Variants in ME3 observed in about 807,000 individuals in gnomAD.
ME3 encodes NADP-dependent malic enzyme, mitochondrial.
A neutral mutation model predicts 68.9 loss-of-function variants in ME3; 48 were observed. The ratio of observed to expected loss-of-function variants is 0.70; its 90% CI spans 0.55 to 0.89. The LOEUF (loss-of-function observed/expected upper bound fraction) is 0.89. Ranked by LOEUF, ME3 falls within the 40% of genes least tolerant of loss-of-function variation. The pLI, the probability that ME3 is intolerant of heterozygous loss-of-function variation, is 0.00. For synonymous variants in ME3, 320 were observed against 318.8 expected, an observed-to-expected ratio of 1.00 and a Z score of -0.04; for missense variants, 675 against 797.4, an observed-to-expected ratio of 0.85 and a Z score of 1.85.
chr11:86,584,981 TAATAA>T (rs2139633135), intron 2 of ME3, among the ~76,000 whole-genome samples: 1 of 152,320 alleles, frequency 6.6e-6, no homozygotes, highest in African/African-American at 2.4e-5. Context: ...TGATAAAGAC[TAATAA>T]TACATCTTCA....
chr11:86,631,966 C>T (rs1234690361), intron 2 of ME3, among the ~76,000 whole-genome samples: 1 of 152,192 alleles, frequency 6.6e-6, no homozygotes. Context: ...CTCCTGACCT[C>T]AGGTGATCCT....
intron 2 of ME3, among the ~76,000 whole-genome samples, chr11:86,564,310 TTGTAA>T (rs1166156803): frequency 6.6e-6 from 1 of 152,180 alleles, no homozygotes; most frequent in Non-Finnish European, 1.5e-5. Flanking sequence ...TGATCTACAG[TTGTAA>T]TGCAATCACT....
intron 6 of ME3, among the ~76,000 whole-genome samples, chr11:86,488,721 C>T (rs1006733346): frequency 1.1e-4 from 17 of 152,142 alleles, no homozygotes; most frequent in African/African-American, 3.9e-4. Flanking sequence ...ATTTATTTCT[C>T]ATGTACTATT....
intron 2 of ME3, among the ~76,000 whole-genome samples, chr11:86,619,692 C>A (rs1594691890): frequency 6.6e-6 from 1 of 152,244 alleles, no homozygotes; most frequent in Admixed American, 6.5e-5. Context: ...ACTTCCCCAG[C>A]CACGTGGAAC....
At chr11:86,493,863 A>G (rs1224660287) in intron 6 of ME3, among the ~76,000 whole-genome samples, 1 of 152,136 alleles carries the variant, frequency 6.6e-6, no homozygotes, top group African/African-American at 2.4e-5. Context: ...GTTTTTATAG[A>G]GACATACATA....
At chr11:86,572,891 C>A (rs533544386) in intron 2 of ME3, among the ~76,000 whole-genome samples, 1 of 152,164 alleles carries the variant, frequency 6.6e-6, no homozygotes. Context: ...TTTGCAATCC[C>A]ACCAACAGTG....
intron 2 of ME3, among the ~76,000 whole-genome samples, chr11:86,625,394 AATG>A (rs1943600175): frequency 6.6e-6 from 1 of 152,046 alleles, no homozygotes; most frequent in African/African-American, 2.4e-5. Context: ...ATACAGGAAC[AATG>A]ATGAATTTGC....
chr11:86,528,435 T>C (rs1176676884), intron 4 of ME3, among the ~76,000 whole-genome samples: 1 of 152,092 alleles, frequency 6.6e-6, no homozygotes, highest in African/African-American at 2.4e-5. Context: ...CTGTCAACAT[T>C]AGACAGATCA....
chr11:86,597,725 C>A (rs918594991), intron 2 of ME3, among the ~76,000 whole-genome samples: 1 of 152,088 alleles, frequency 6.6e-6, no homozygotes, highest in African/African-American at 2.4e-5. Context: ...ATATGAGTGA[C>A]CACGGCCCGT....
At chr11:86,574,992 CA>C (rs1958019613) in intron 2 of ME3, among the ~76,000 whole-genome samples, 1 of 148,160 alleles carries the variant, frequency 6.7e-6, no homozygotes, top group African/African-American at 2.6e-5. Flanking sequence ...ACAGGTTGTC[CA>C]GCCTGGGCAG....
At chr11:86,503,586 C>T (rs1269807279) in intron 5 of ME3, among the ~76,000 whole-genome samples, 1 of 152,246 alleles carries the variant, frequency 6.6e-6, no homozygotes, top group Non-Finnish European at 1.5e-5. Flanking sequence ...CAAGTGTTGA[C>T]TGACAAAAGA....
chr11:86,666,064 C>A (rs1256943098), intron 2 of ME3, among the ~76,000 whole-genome samples: 2 of 152,144 alleles, frequency 1.3e-5, no homozygotes, highest in African/African-American at 4.8e-5. Flanking sequence ...TTCATATCAA[C>A]ATTTTGTGGT....
intron 4 of ME3, among the ~76,000 whole-genome samples, chr11:86,531,998 A>AC (rs2139278143): frequency 2.0e-5 from 3 of 152,108 alleles, no homozygotes; most frequent in African/African-American, 7.2e-5. Flanking sequence ...AAACCAAAAA[A>AC]AAACCAGAAA....
intron 3 of ME3, 48 bp downstream of exon 3, chr11:86,559,642 C>A (rs34249558): frequency 2.6e-6 from 4 of 1,556,380 alleles, no homozygotes; most frequent in Non-Finnish European, 3.5e-6. Flanking sequence ...AGGAAACAGA[C>A]AGCTCAGCCC....
At chr11:86,537,214 C>T (rs535527817) in intron 4 of ME3, among the ~76,000 whole-genome samples, 1 of 151,166 alleles carries the variant, frequency 6.6e-6, no homozygotes, top group African/African-American at 2.4e-5. Context: ...TGCAGCACAC[C>T]AGCATGTCAC....
At chr11:86,535,894 T>C (rs1478211229) in intron 4 of ME3, among the ~76,000 whole-genome samples, 3 of 152,192 alleles carry the variant, frequency 2.0e-5, no homozygotes, top group African/African-American at 7.2e-5. Flanking sequence ...ACTCCTTCCA[T>C]CCATCCTTCC....
chr11:86,444,193 T>C (rs1277598422), intron 13 of ME3, among the ~76,000 whole-genome samples: 1 of 152,160 alleles, frequency 6.6e-6, no homozygotes, highest in Non-Finnish European at 1.5e-5. Flanking sequence ...GGCTGATACC[T>C]GAAGGACAAA....
At chr11:86,498,266 C>CGGA in intron 5 of ME3, 142 bp from the exon 6 acceptor site, 1 of 999,084 alleles carries the variant, frequency 1.0e-6, no homozygotes, top group Non-Finnish European at 1.4e-6. Flanking sequence ...GGGATAAGGC[C>CGGA]GGAGCATTTA....
intron 7 of ME3, among the ~76,000 whole-genome samples, chr11:86,484,046 G>A (rs1360001001): frequency 6.6e-6 from 1 of 152,202 alleles, no homozygotes; most frequent in Non-Finnish European, 1.5e-5. Context: ...CCAGCTGTCT[G>A]TTGCTGTGGT....
Sources: gnomAD v4.1 joint callset for allele counts (sites outside exome capture counted in the v4.1 genomes callset) on GRCh38, gnomAD v4.1.1 for gene constraint, MANE v1.5 for transcripts, NCBI Gene and HGNC (gene_info 2026-07-23, HGNC 2026-07-21) for gene names.